The following CCDC124 variants were observed in gnomAD, a reference collection of about 807,000 sequenced individuals.
CCDC124 encodes the protein coiled-coil domain-containing protein 124.
CCDC124 carries 9 observed loss-of-function variants against 19.8 expected under a neutral mutation model. The observed-to-expected ratio is 0.45, with a 90% CI of 0.27 to 0.79. The LOEUF (loss-of-function observed/expected upper bound fraction) is 0.79. Ranked by LOEUF, CCDC124 falls within the 30% of genes least tolerant of loss-of-function variation. CCDC124 has a pLI of 0.14. For synonymous variants in CCDC124, 126 were observed against 131.3 expected (o/e 0.96, Z 0.27); for missense variants, 285 against 319.0 (o/e 0.89, Z 0.81).
At chr19:17,934,327 A>G (rs189891197) in intron 1 of CCDC124, among the ~76,000 whole-genome samples, 2 of 148,944 alleles carry the variant, frequency 1.3e-5, no homozygotes, top group African/African-American at 5.2e-5. Flanking sequence ...TGGAGGTTGC[A>G]GTGAGCCGAG....
chr19:17,943,847 T>G lies in CCDC124; in HGVS notation c.*132T>G. On this transcript the variant is annotated 3_prime_UTR_variant, in exon 5 of 5. Coordinates refer to ENST00000445755, the MANE Select transcript of CCDC124 (RefSeq NM_001136203.2). ...GGCGCCGGGCCCCGGGGCCATGCTC[T>G]TATCACCAGCCACCCGTCCTCCCGC... 2.4e-6 allele frequency: 2 copies of G among 845,794 alleles called. No homozygotes were observed. Among genetic ancestry groups the G allele is most frequent in the Non-Finnish European group, 1.8e-6 (1 of 544,656 alleles). 52.4% of individuals were successfully genotyped at this position (845,794 alleles called of 1,614,324 possible). A position where few individuals can be genotyped will look rare whatever the true frequency, so the allele number is the denominator to read the frequency against.
rs776645895 is a variant in CCDC124 at position 17,936,368 on chromosome 19, C to A, written c.-11-42C>A. On this transcript the variant is annotated intron_variant, in intron 1 of 4. Transcript: ENST00000445755. ...TCTGGGGGTGCTGAGTGCCGATGTCCCCTCCGGCCCCTGCTCCCCCATCCC... is the reference window on the plus strand; with the variant it reads ...TCTGGGGGTGCTGAGTGCCGATGTCACCTCCGGCCCCTGCTCCCCCATCCC... The A allele has an allele frequency of 5.3e-6, 8 of 1,519,434 alleles. No homozygotes were observed. In the Admixed American group the frequency reaches 5.7e-5, roughly 11 times the overall value. The allele number at this position is 1,519,434 out of a possible 1,614,324, so 94.1% of individuals were successfully genotyped here.
intron 2 of CCDC124, among the ~76,000 whole-genome samples, chr19:17,937,675 C>T (rs1027693318): frequency 5.3e-5 from 8 of 152,090 alleles, no homozygotes; most frequent in Non-Finnish European, 4.4e-5. Flanking sequence ...ACGCTGTGAT[C>T]AGGCCCCCAT....
intron 2 of CCDC124, among the ~76,000 whole-genome samples, chr19:17,941,030 G>C (rs942711266): frequency 1.3e-5 from 2 of 152,062 alleles, no homozygotes; most frequent in Non-Finnish European, 2.9e-5. Flanking sequence ...CTGGGCGACA[G>C]AGCAAGGTTC....
At chr19:17,934,281 G>T (rs1288508459) in intron 1 of CCDC124, among the ~76,000 whole-genome samples, 4 of 149,358 alleles carry the variant, frequency 2.7e-5, no homozygotes, top group Non-Finnish European at 4.4e-5. Context: ...AGCTGCTTGG[G>T]AGGCTGAAAC....
At position 17,942,222 on chromosome 19, in the gene CCDC124, C is replaced by T. The variant is rs2031199614; in HGVS notation, c.160-434C>T. Among the ~76,000 whole-genome samples the T allele has an allele frequency of 6.6e-6, 1 of 152,108 alleles. No individual in the cohort carries two copies. Among genetic ancestry groups the T allele is most frequent in the Admixed American group, 6.5e-5 (1 of 15,270 alleles). On this transcript the variant is annotated intron_variant, in intron 2 of 4. Transcript: ENST00000445755. The surrounding 1 kb of genome is among the most constrained non-coding windows in gnomAD (Gnocchi z 4.2). The stretch of plus-strand genomic sequence containing the variant: ...ACGGCTCTTAGAATCCAACATGAAC[C>T]CCTCCCTGGCCCCCAGAGGCTCCGC...
At position 17,943,243 on chromosome 19, in the gene CCDC124, A is replaced by AGG; in HGVS notation, c.350-18_350-17insGG. 1 of 430,546 alleles carries AGG rather than the reference A, an allele frequency of 2.3e-6. No homozygotes were observed. The highest frequency in any genetic ancestry group is 2.3e-5 in the African/African-American group (1 of 43,298). 26.7% of individuals were successfully genotyped at this position (430,546 alleles called of 1,614,324 possible). On this transcript the variant is annotated splice_polypyrimidine_tract_variant and intron_variant, in intron 3 of 4. Coordinates refer to ENST00000445755, the MANE Select transcript of CCDC124 (RefSeq NM_001136203.2). The stretch of plus-strand genomic sequence containing the variant: ...TTGCTTATCTCTCTCTGTCTCTGTC[A>AGG]CCCACCCACCCGCCCAGCCGAGAAA...
Position 17,942,671 on chromosome 19 carries a change from C to T in CCDC124, c.175C>T (p.Arg59Trp), listed in dbSNP as rs1443758741. Residue 59 changes from arginine (R) to tryptophan (W), a missense_variant, in exon 3 of 5, where the codon CGG (arginine) becomes TGG (tryptophan). By Grantham distance (101) the Arg-to-Trp change is moderately radical. Transcript: ENST00000445755. This position sits in a 1 kb window ranked among gnomAD's most constrained non-coding sequence, Gnocchi z 4.2. The part of the protein sequence containing the change: ...KEQRKEEKEK[R>W]RLDQLERKKE... ...GCCCCCGCAGGAGGAGAAGGAGAAG[C>T]GGCGCCTCGACCAGCTGGAACGTAA... is the stretch of plus-strand genomic sequence containing the variant. The T allele has an allele frequency of 3.3e-5, 51 of 1,555,702 alleles. No homozygotes were observed. The highest frequency in any genetic ancestry group is 4.4e-5 in the Non-Finnish European group (51 of 1,149,786).
In CCDC124 at chr19:17,938,416, C is replaced by T. The variant is rs138047041; in HGVS notation, c.159+1837C>T. ...GTTGTGGTTTAGGGCTGATGCTGAC[C>T]TGCTTGGCCCAGTAGGTGGCGCCAG... On this transcript the variant is annotated intron_variant, in intron 2 of 4. Coordinates refer to ENST00000445755, the MANE Select transcript of CCDC124 (RefSeq NM_001136203.2). Among the ~76,000 whole-genome samples, 421 of 152,236 alleles carry T rather than the reference C, an allele frequency of 2.8e-3. 1 individual carries two copies. The highest frequency in any genetic ancestry group is 9.3e-3 in the African/African-American group (388 of 41,542).
chr19:17,941,903 G>A (rs987797902), intron 2 of CCDC124, among the ~76,000 whole-genome samples: 3 of 152,122 alleles, frequency 2.0e-5, no homozygotes, highest in African/African-American at 7.2e-5. Context: ...AGGGGTGTCC[G>A]AGACCAGGGC....
chr19:17,943,810 T>G lies in CCDC124; in HGVS notation c.*95T>G. Reference sequence around the variant, plus strand: ...GTCAGCTGCGAGGGTCACAGAGCGTTCCGGGGGCCAAGGCGCCGGGCCCCG... The same window carrying G: ...GTCAGCTGCGAGGGTCACAGAGCGTGCCGGGGGCCAAGGCGCCGGGCCCCG... On this transcript the variant is annotated 3_prime_UTR_variant, in exon 5 of 5. Coordinates refer to ENST00000445755, the MANE Select transcript of CCDC124 (RefSeq NM_001136203.2). The G allele has an allele frequency of 1.6e-6, 2 of 1,281,592 alleles. No homozygotes were observed. The highest frequency in any genetic ancestry group is 1.1e-6 in the Non-Finnish European group (1 of 917,414). 79.4% of individuals were successfully genotyped at this position (1,281,592 alleles called of 1,614,324 possible). A position where few individuals can be genotyped will look rare whatever the true frequency, so the allele number is the denominator to read the frequency against.
At chr19:17,934,512 G>A (rs557363470) in intron 1 of CCDC124, among the ~76,000 whole-genome samples, 9 of 151,940 alleles carry the variant, frequency 5.9e-5, no homozygotes, top group East Asian at 5.8e-4. Context: ...AGGGCCAGGC[G>A]CAGTGGCTCA....
At chr19:17,933,639 C>G (rs1018650179) in intron 1 of CCDC124, among the ~76,000 whole-genome samples, 2 of 152,120 alleles carry the variant, frequency 1.3e-5, no homozygotes, top group Non-Finnish European at 2.9e-5. Flanking sequence ...TTCCCATCTC[C>G]CTGGAATACA....
chr19:17,943,241 T>TCGGGGGGGGGC lies in CCDC124; in HGVS notation c.350-19_350-18insGGGGGGGGGCC. The TCGGGGGGGGGC allele has an allele frequency of 2.2e-5, 16 of 736,678 alleles. No homozygotes were observed. Among genetic ancestry groups the TCGGGGGGGGGC allele is most frequent in the Non-Finnish European group, 3.6e-5 (15 of 414,970 alleles). 45.6% of individuals were successfully genotyped at this position (736,678 alleles called of 1,614,324 possible). On this transcript the variant is annotated intron_variant, in intron 3 of 4. Coordinates refer to ENST00000445755, the MANE Select transcript of CCDC124 (RefSeq NM_001136203.2). ...CTTTGCTTATCTCTCTCTGTCTCTGTCACCCACCCACCCGCCCAGCCGAGA... is the reference window on the plus strand; with the variant it reads ...CTTTGCTTATCTCTCTCTGTCTCTGTCGGGGGGGGGCCACCCACCCACCCGCCCAGCCGAGA...
chr19:17,939,939 T>C lies in CCDC124; in HGVS notation c.160-2717T>C, dbSNP rs1290018781. On this transcript the variant is annotated intron_variant, in intron 2 of 4. Coordinates refer to ENST00000445755, the MANE Select transcript of CCDC124 (RefSeq NM_001136203.2). ...CACCTGGCCTTTTTTTTTTTTTTTT[T>C]AGACAGTCTCTGTTGCCCAGGCTGG... 3.3e-3 allele frequency among the ~76,000 whole-genome samples: 458 copies of C among 139,440 alleles called. 2 individuals carry two copies. The highest frequency in any genetic ancestry group is 5.3e-3 in the Non-Finnish European group (341 of 64,090). 91.5% of individuals were successfully genotyped at this position (139,440 alleles called of 152,430 possible). A position where few individuals can be genotyped will look rare whatever the true frequency, so the allele number is the denominator to read the frequency against.
intron 1 of CCDC124, among the ~76,000 whole-genome samples, chr19:17,936,008 G>A (rs1461163383): frequency 6.6e-6 from 1 of 152,160 alleles, no homozygotes; most frequent in Non-Finnish European, 1.5e-5. Flanking sequence ...GGGTTCGAGC[G>A]ATTCTCCTGC....
intron 2 of CCDC124, among the ~76,000 whole-genome samples, chr19:17,941,926 C>T (rs1460380100): frequency 6.6e-6 from 1 of 152,060 alleles, no homozygotes; most frequent in Non-Finnish European, 1.5e-5. Context: ...TGCAGGAGTG[C>T]CAGGCAGTGG....
chr19:17,934,739 C>T (rs1263169060), intron 1 of CCDC124, among the ~76,000 whole-genome samples: 1 of 150,122 alleles, frequency 6.7e-6, no homozygotes. Context: ...GCCGAGATTT[C>T]GCCACTGCAC....
At chr19:17,935,883 G>A (rs1324512324) in intron 1 of CCDC124, among the ~76,000 whole-genome samples, 7 of 141,628 alleles carry the variant, frequency 4.9e-5, no homozygotes, top group East Asian at 2.2e-4. Flanking sequence ...GTGCCTGGCC[G>A]GAATTGTCCA....
Sources: gnomAD v4.1 joint callset for allele counts (sites outside exome capture counted in the v4.1 genomes callset) on GRCh38, gnomAD v4.1.1 for gene constraint, Gnocchi (gnomAD v3.1) non-coding constraint, MANE v1.5 for transcripts, NCBI Gene and HGNC (gene_info 2026-07-23, HGNC 2026-07-21) for gene names.